MCC: variants seen among roughly 807,000 people sequenced by gnomAD.
MCC encodes the protein MCC regulator of Wnt signaling pathway.
A neutral mutation model predicts 116.2 loss-of-function variants in MCC; 90 were observed. The observed-to-expected ratio is 0.77, with a 90% CI of 0.65 to 0.92. The LOEUF is 0.92. MCC is among the 40% of genes least tolerant of loss of function. The pLI is 0.00. For synonymous variants in MCC, 578 were observed against 510.5 expected (o/e 1.13, Z -1.78); for missense variants, 1,516 against 1,312.2 (o/e 1.16, Z -2.40).
At chr5:113,027,972 T>C (rs1242482264) in intron 18 of MCC, among the ~76,000 whole-genome samples, 2 of 152,198 alleles carry the variant, frequency 1.3e-5, no homozygotes, top group Non-Finnish European at 2.9e-5. Context: ...ACTCGGAATA[T>C]TAAATTAGGC....
chr5:113,474,926 C>T (rs1364691751), intron 1 of MCC, among the ~76,000 whole-genome samples: 1 of 152,206 alleles, frequency 6.6e-6, no homozygotes, highest in Non-Finnish European at 1.5e-5. Context: ...CTCTTGAAAG[C>T]ATCAACCTCT....
In MCC at chr5:113,047,326, C is replaced by T. The variant is rs76904949; in HGVS notation, c.2655+1767G>A. On this transcript the variant is annotated intron_variant, in intron 16 of 18. Transcript: ENST00000408903. ...CTAGCACCCTGCCTTGGTTCTGGCA[C>T]GCTGTGAGTGCCAAATCACATTTAT... 5.1e-4 allele frequency among the ~76,000 whole-genome samples: 77 copies of T among 152,316 alleles called. No homozygotes were observed. In the East Asian group the frequency reaches 0.013, roughly 26 times the overall value.
rs940961699 is a variant in MCC at position 113,027,213 on chromosome 5, T to C, written c.*89A>G. 7.1e-7 allele frequency: 1 copy of C among 1,404,622 alleles called. No individual in the cohort carries two copies. The highest frequency in any genetic ancestry group is 9.7e-7 in the Non-Finnish European group (1 of 1,032,952). The allele number at this position is 1,404,622 out of a possible 1,614,324, so 87.0% of individuals were successfully genotyped here. ...TACCTGCCAGCCTTCCCTTTCCTCC[T>C]CCTCCCAACAAGTACATGGGCCCTT... On this transcript the variant is annotated 3_prime_UTR_variant, in exon 19 of 19. Transcript: ENST00000408903.
chr5:113,027,215 C>A lies in MCC; in HGVS notation c.*87G>T. On this transcript the variant is annotated 3_prime_UTR_variant, in exon 19 of 19. Coordinates refer to ENST00000408903, the MANE Select transcript of MCC (RefSeq NM_001085377.2). The stretch of plus-strand genomic sequence containing the variant: ...CCTGCCAGCCTTCCCTTTCCTCCTC[C>A]TCCCAACAAGTACATGGGCCCTTCT... 7.0e-7 allele frequency: 1 copy of A among 1,422,122 alleles called. No individual in the cohort carries two copies. The highest frequency in any genetic ancestry group is 9.6e-7 in the Non-Finnish European group (1 of 1,046,792). 88.1% of individuals were successfully genotyped at this position (1,422,122 alleles called of 1,614,324 possible).
At chr5:113,204,750 A>C (rs1762836630) in intron 3 of MCC, among the ~76,000 whole-genome samples, 1 of 152,220 alleles carries the variant, frequency 6.6e-6, no homozygotes, top group Non-Finnish European at 1.5e-5. Flanking sequence ...ATCACAGGGG[A>C]GGGTAATTGC....
chr5:113,411,210 T>G (rs1769981748), intron 1 of MCC, among the ~76,000 whole-genome samples: 1 of 147,020 alleles, frequency 6.8e-6, no homozygotes, highest in Non-Finnish European at 1.5e-5. Context: ...TGAACTATTT[T>G]ACACTCCCAC....
intron 1 of MCC, among the ~76,000 whole-genome samples, chr5:113,453,993 C>T (rs114236451): frequency 0.031 from 4,782 of 152,030 alleles, 113 homozygotes; most frequent in Middle Eastern, 0.048. Flanking sequence ...GATTGTAATC[C>T]CAGCTGTTCG....
intron 2 of MCC, among the ~76,000 whole-genome samples, chr5:113,354,970 A>G (rs1768375249): frequency 6.6e-6 from 1 of 151,940 alleles, no homozygotes; most frequent in Non-Finnish European, 1.5e-5. Context: ...ACATGTATAT[A>G]TGTATGTATA....
chr5:113,085,075 G>A (rs1198100253), intron 9 of MCC, 89 bp downstream of exon 9: 2 of 1,575,590 alleles, frequency 1.3e-6, no homozygotes, highest in African/African-American at 2.7e-5. Flanking sequence ...CTCAGCTAAG[G>A]GCATGCCTGT....
intron 1 of MCC, among the ~76,000 whole-genome samples, chr5:113,452,398 G>A (rs1771427540): frequency 6.6e-6 from 1 of 152,224 alleles, no homozygotes; most frequent in South Asian, 2.1e-4. Context: ...CCTTTGGGAG[G>A]TGATGAGGTC....
intron 14 of MCC, among the ~76,000 whole-genome samples, chr5:113,058,789 C>A (rs1014737064): frequency 1.1e-4 from 16 of 152,202 alleles, no homozygotes; most frequent in Admixed American, 9.8e-4. Context: ...ATACGGCAGG[C>A]CCTGAAGCAG....
Position 113,332,107 on chromosome 5 carries a change from C to A in MCC, c.627+8412G>T, listed in dbSNP as rs114099904. 8.4e-3 allele frequency among the ~76,000 whole-genome samples: 1,274 copies of A among 151,756 alleles called. 74 individuals carry two copies. Among genetic ancestry groups the A allele is most frequent in the African/African-American group, 0.029 (1,184 of 41,064 alleles). ...GAAATCTCCTTGAAAGATCTCATTT[C>A]TTTAGAATTTTTTTAGTTTCTATTT... On this transcript the variant is annotated intron_variant, in intron 3 of 18. Coordinates refer to ENST00000408903, the MANE Select transcript of MCC (RefSeq NM_001085377.2).
At chr5:113,075,178 G>A (rs547224708) in intron 11 of MCC, among the ~76,000 whole-genome samples, 9 of 152,344 alleles carry the variant, frequency 5.9e-5, no homozygotes, top group Middle Eastern at 3.4e-3. Context: ...CTTAGCACCC[G>A]GGCCAGCAGC....
intron 3 of MCC, among the ~76,000 whole-genome samples, chr5:113,214,604 A>G (rs1763244482): frequency 1.3e-5 from 2 of 151,436 alleles, no homozygotes; most frequent in African/African-American, 4.9e-5. Flanking sequence ...CCTTATCAGT[A>G]TCAGTGCCTA....
chr5:113,253,586 C>G (rs1764883861), intron 3 of MCC, among the ~76,000 whole-genome samples: 1 of 152,084 alleles, frequency 6.6e-6, no homozygotes, highest in Admixed American at 6.6e-5. Context: ...CAGATGAGCA[C>G]AAGGAGGAGG....
At chr5:113,466,652 AT>A (rs1281514042) in intron 1 of MCC, among the ~76,000 whole-genome samples, 1 of 152,098 alleles carries the variant, frequency 6.6e-6, no homozygotes, top group Non-Finnish European at 1.5e-5. Context: ...ATACGTGTGC[AT>A]GTGTCTTTAT....
intron 1 of MCC, among the ~76,000 whole-genome samples, chr5:113,448,621 T>TA (rs112404619): frequency 0.12 from 17,508 of 152,188 alleles, 1,738 homozygotes; most frequent in African/African-American, 0.27. Context: ...TTGTGACAAA[T>TA]ACACACTCCA....
intron 3 of MCC, among the ~76,000 whole-genome samples, chr5:113,336,530 T>C (rs1355031747): frequency 6.7e-6 from 1 of 148,346 alleles, no homozygotes; most frequent in African/African-American, 2.6e-5. Context: ...AATGGTCCCA[T>C]TGGTCCTCAT....
intron 1 of MCC, among the ~76,000 whole-genome samples, chr5:113,440,132 C>A (rs1770991464): frequency 6.6e-6 from 1 of 152,182 alleles, no homozygotes; most frequent in African/African-American, 2.4e-5. Flanking sequence ...CTCTTCTCAC[C>A]CAGTTGCTAT....
Sources: allele counts gnomAD v4.1 joint callset (sites outside exome capture counted in the v4.1 genomes callset), GRCh38; gene constraint gnomAD v4.1.1; transcripts MANE v1.5; gene names NCBI Gene and HGNC (gene_info 2026-07-23, HGNC 2026-07-21).